MYCBP2: variants seen among roughly 807,000 people sequenced by gnomAD.
MYCBP2 encodes the protein MYC binding protein 2.
MYCBP2 carries 120 observed loss-of-function variants against 525.3 expected under a neutral mutation model. That is an observed-to-expected ratio of 0.23 (90% confidence interval 0.20 to 0.27). The LOEUF (loss-of-function observed/expected upper bound fraction) is 0.27. Ranked by LOEUF, MYCBP2 falls within the 10% of genes least tolerant of loss-of-function variation. MYCBP2 has a pLI of 1.00. For synonymous variants in MYCBP2, 1,894 were observed against 1,955.8 expected, an observed-to-expected ratio of 0.97 and a Z score of 0.83; for missense variants, 4,149 against 5,657.1, an observed-to-expected ratio of 0.73 and a Z score of 8.55.
At chr13:77,314,558 G>T (rs2080691851) in intron 1 of MYCBP2, among the ~76,000 whole-genome samples, 1 of 152,064 alleles carries the variant, frequency 6.6e-6, no homozygotes, top group South Asian at 2.1e-4. Flanking sequence ...AGCACATTCT[G>T]GAAAAGGCAA....
intron 26 of MYCBP2, 124 bp downstream of exon 26, chr13:77,205,132 G>A (rs2063177886): frequency 1.3e-6 from 1 of 788,934 alleles, no homozygotes; most frequent in South Asian, 5.8e-5. Flanking sequence ...TTAAAAAGAA[G>A]CATTAAAAAC....
Position 77,098,775 on chromosome 13 carries a change from G to A in MYCBP2, c.8379C>T (p.Asn2793=). 1 of 1,613,564 alleles carries A rather than the reference G, an allele frequency of 6.2e-7. No homozygotes were observed. Among genetic ancestry groups the A allele is most frequent in the Non-Finnish European group, 8.5e-7 (1 of 1,179,754 alleles). ...CATCAGATTTCAATGTCTGCAAGGTGTTATGGTTGGGGGATAATGACCTAC... is the reference window on the plus strand; with the variant it reads ...CATCAGATTTCAATGTCTGCAAGGTATTATGGTTGGGGGATAATGACCTAC... The part of the protein sequence containing the change: ...SHSRSLSPNH[N]TLQTLKSDGR... The change falls in exon 56 of 83, where the codon AAC becomes AAT. Residue 2793 remains asparagine, a synonymous_variant. Transcript: ENST00000544440.
chr13:77,111,436 C>CTT (rs779969571), intron 55 of MYCBP2, among the ~76,000 whole-genome samples: 1 of 137,130 alleles, frequency 7.3e-6, no homozygotes, highest in Non-Finnish European at 1.6e-5. Context: ...ATGTCACTTC[C>CTT]TTTTTTTTTT....
intron 52 of MYCBP2, 25 bp downstream of exon 52, chr13:77,139,171 C>T (rs1372302562): frequency 1.9e-6 from 3 of 1,607,458 alleles, no homozygotes; most frequent in African/African-American, 2.7e-5. Context: ...ATCTATAATG[C>T]TTTTTAAAAC....
chr13:77,214,401 T>C (rs528521031), intron 21 of MYCBP2, among the ~76,000 whole-genome samples: 3 of 151,998 alleles, frequency 2.0e-5, no homozygotes, highest in African/African-American at 4.8e-5. Flanking sequence ...CATGAGAAAC[T>C]GAATGAATAA....
intron 60 of MYCBP2, among the ~76,000 whole-genome samples, chr13:77,089,339 A>T (rs1289039832): frequency 6.6e-6 from 1 of 152,134 alleles, no homozygotes; most frequent in African/African-American, 2.4e-5. Flanking sequence ...TCTACATCTC[A>T]TCTGCATCAT....
At chr13:77,272,938 A>G (rs573853776) in intron 5 of MYCBP2, among the ~76,000 whole-genome samples, 1 of 152,266 alleles carries the variant, frequency 6.6e-6, no homozygotes, top group African/African-American at 2.4e-5. Flanking sequence ...TATAAGGATT[A>G]TTTTTCCCAC....
At chr13:77,304,921 A>T (rs1001578516) in intron 1 of MYCBP2, among the ~76,000 whole-genome samples, 2 of 152,080 alleles carry the variant, frequency 1.3e-5, no homozygotes, top group Non-Finnish European at 2.9e-5. Context: ...AAATTCCTTG[A>T]AAAAATGTAA....
chr13:77,323,618 T>C (rs1303250671), intron 1 of MYCBP2, among the ~76,000 whole-genome samples: 1 of 152,212 alleles, frequency 6.6e-6, no homozygotes, highest in Non-Finnish European at 1.5e-5. Context: ...TTATGAGTTG[T>C]CTATTTCTCC....
intron 82 of MYCBP2, among the ~76,000 whole-genome samples, chr13:77,050,555 T>C (rs1323394122): frequency 6.6e-6 from 1 of 152,066 alleles, no homozygotes; most frequent in East Asian, 1.9e-4. Flanking sequence ...GTTTCTTTAA[T>C]TCCCTTGACT....
At chr13:77,129,142 T>C (rs922732781) in intron 52 of MYCBP2, 2 of 397,658 alleles carry the variant, frequency 5.0e-6, no homozygotes, top group Non-Finnish European at 8.9e-6. Context: ...TATTGTTCCT[T>C]ACAGTTAACT....
intron 1 of MYCBP2, among the ~76,000 whole-genome samples, chr13:77,317,932 G>A (rs1182591320): frequency 7.6e-5 from 11 of 143,968 alleles, no homozygotes; most frequent in Non-Finnish European, 1.2e-4. Context: ...GCAAGACTCC[G>A]TCTCAAAACA....
chr13:77,158,232 C>A, intron 44 of MYCBP2, 123 bp from the exon 45 acceptor site: 1 of 518,544 alleles, frequency 1.9e-6, no homozygotes. Context: ...CCACGTACCC[C>A]ACTGTTCCTT....
intron 13 of MYCBP2, 102 bp downstream of exon 13, chr13:77,260,326 G>A: frequency 1.3e-6 from 1 of 778,148 alleles, no homozygotes; most frequent in Non-Finnish European, 1.9e-6. Context: ...AAAAAATGTA[G>A]AGAAAGCATG....
chr13:77,112,603 A>C (rs1233903165), intron 55 of MYCBP2, among the ~76,000 whole-genome samples: 8 of 151,564 alleles, frequency 5.3e-5, no homozygotes, highest in African/African-American at 1.9e-4. Flanking sequence ...TCTTTAAAAA[A>C]ATTTTTCTTA....
chr13:77,244,710 T>C (rs1005772174), intron 15 of MYCBP2, among the ~76,000 whole-genome samples: 1 of 152,072 alleles, frequency 6.6e-6, no homozygotes, highest in East Asian at 1.9e-4. Context: ...AAAGAAAGTA[T>C]CATCAGAGTG....
intron 1 of MYCBP2, among the ~76,000 whole-genome samples, chr13:77,318,989 T>C (rs1388664587): frequency 6.6e-6 from 1 of 152,194 alleles, no homozygotes; most frequent in Non-Finnish European, 1.5e-5. Flanking sequence ...AACCGTGAAC[T>C]ACCTCAAGCT....
intron 11 of MYCBP2, among the ~76,000 whole-genome samples, chr13:77,261,817 A>C (rs146060379): frequency 6.6e-6 from 1 of 152,090 alleles, no homozygotes; most frequent in African/African-American, 2.4e-5. Flanking sequence ...ACAAACCTTC[A>C]ATTTGTAAAA....
chr13:77,146,445 A>ACAGATAACATCTTT (rs1211218803), intron 47 of MYCBP2, among the ~76,000 whole-genome samples: 2 of 151,930 alleles, frequency 1.3e-5, no homozygotes, highest in Non-Finnish European at 2.9e-5. Context: ...AAAGAAAAAA[A>ACAGATAACATCTTT]CAGATAACAT....
Sources: gnomAD v4.1 joint callset for allele counts (sites outside exome capture counted in the v4.1 genomes callset) on GRCh38, gnomAD v4.1.1 for gene constraint, MANE v1.5 for transcripts, NCBI Gene and HGNC (gene_info 2026-07-23, HGNC 2026-07-21) for gene names.